The following ATAD3B variants were observed in gnomAD, a reference collection of about 807,000 sequenced individuals.
ATAD3B encodes ATPase family AAA domain-containing protein 3B.
Under a neutral mutation model 70.2 loss-of-function variants are expected in ATAD3B, and 59 were observed. The ratio of observed to expected loss-of-function variants is 0.84; its 90% CI spans 0.68 to 1.04. ATAD3B has a LOEUF of 1.04. Among genes scored for constraint, ATAD3B ranks in the 50% least tolerant of loss-of-function variants. ATAD3B has a pLI of 0.00. For missense variants in ATAD3B, 961 were observed against 913.4 expected (o/e 1.05, Z -0.67); for synonymous variants, 423 against 388.6 (o/e 1.09, Z -1.04).
intron 7 of ATAD3B, chr1:1,483,598 C>T (rs1424598586): frequency 1.2e-5 from 2 of 160,264 alleles, no homozygotes; most frequent in Non-Finnish European, 2.7e-5. Context: ...ATGGTGAAAA[C>T]CCATCTCTAC....
In ATAD3B at chr1:1,495,623, CT is replaced by C. The variant is rs778175812; in HGVS notation, c.1754del (p.Leu585HisfsTer135). 4 of 1,612,926 alleles carry C rather than the reference CT, an allele frequency of 2.5e-6. No homozygotes were observed. Among genetic ancestry groups the C allele is most frequent in the Admixed American group, 1.7e-5 (1 of 59,928 alleles). ...GCCTGGGCGCGGGGTCGAGCACCCC[CT>C]ATCCGGAGTCCAAGGCGAGACCCTC... The part of the protein sequence containing the change: ...EGPGRGVEHP[L>X]SGVQGETLTS... On this transcript the variant is annotated frameshift_variant, in exon 16 of 16. Transcript: ENST00000673477. LOFTEE classifies it low-confidence loss of function (END_TRUNC).
At chr1:1,479,691 A>T (rs562033273) in intron 4 of ATAD3B, among the ~76,000 whole-genome samples, 1 of 143,632 alleles carries the variant, frequency 7.0e-6, no homozygotes, top group South Asian at 2.3e-4. Context: ...CCTCAGGCAC[A>T]CACTCCCGCA....
chr1:1,495,210 A>G (rs138029725), intron 15 of ATAD3B, among the ~76,000 whole-genome samples: 3,619 of 152,080 alleles, frequency 0.024, 175 homozygotes, highest in African/African-American at 0.082. Context: ...GCCCTGGGTC[A>G]GCCGTCAGTG....
At chr1:1,486,261 G>A (rs1640210696) in intron 10 of ATAD3B, 26 bp downstream of exon 10, 2 of 1,612,240 alleles carry the variant, frequency 1.2e-6, no homozygotes, top group Non-Finnish European at 8.5e-7. Flanking sequence ...TGAACAGGTG[G>A]GCCAGGGGCC....
At chr1:1,488,773 G>T (rs1283231226) in intron 12 of ATAD3B, among the ~76,000 whole-genome samples, 1 of 151,854 alleles carries the variant, frequency 6.6e-6, no homozygotes, top group Non-Finnish European at 1.5e-5. Context: ...AAAAAAGCGA[G>T]AGATTTGATC....
At chr1:1,498,195 C>A (rs564832176), downstream of ATAD3B, among the ~76,000 whole-genome samples, 4 of 151,914 alleles carry the variant, frequency 2.6e-5, no homozygotes, top group African/African-American at 9.7e-5. Flanking sequence ...CCCAGCTACT[C>A]GGGAGGCCGA....
At chr1:1,500,144 C>T (rs186758134), downstream of ATAD3B, among the ~76,000 whole-genome samples, 6,452 of 151,142 alleles carry the variant, frequency 0.043, 210 homozygotes, top group Non-Finnish European at 0.065. Flanking sequence ...GCGATCCACC[C>T]GCCTCAGCCT....
rs1457015026 is a variant in ATAD3B at position 1,497,609 on chromosome 1, G to T, written c.*1792G>T. On this transcript the variant is annotated 3_prime_UTR_variant, in exon 16 of 16. Transcript: ENST00000673477. ...AGACTGGGCTAGGTGGCTCACGCCTGTAATCCCAGCACTTTGGGAGGCCAA... is the reference window on the plus strand; with the variant it reads ...AGACTGGGCTAGGTGGCTCACGCCTTTAATCCCAGCACTTTGGGAGGCCAA... 6.6e-6 allele frequency: 1 copy of T among 151,870 alleles called. No individual in the cohort carries two copies. Among genetic ancestry groups the T allele is most frequent in the Non-Finnish European group, 1.5e-5 (1 of 68,042 alleles). The allele number at this position is 151,870 out of a possible 1,614,324, so 9.4% of individuals were successfully genotyped here.
chr1:1,479,331 C>A (rs1639771497), intron 4 of ATAD3B, among the ~76,000 whole-genome samples: 1 of 147,848 alleles, frequency 6.8e-6, no homozygotes, highest in Admixed American at 6.9e-5. Flanking sequence ...CACCTGCCCA[C>A]ACAGACACAC....
At chr1:1,489,183 G>A in intron 12 of ATAD3B, 21 bp from the exon 13 acceptor site, 1 of 1,613,274 alleles carries the variant, frequency 6.2e-7, no homozygotes, top group Non-Finnish European at 8.5e-7. Context: ...GGTGCCTAAG[G>A]CTGGAACCTT....
intron 6 of ATAD3B, 39 bp downstream of exon 6, chr1:1,482,342 C>T (rs1343393447): frequency 2.6e-6 from 4 of 1,548,432 alleles, no homozygotes; most frequent in Non-Finnish European, 3.5e-6. Context: ...ACAGATGGAG[C>T]CCCGCAGGTG....
In ATAD3B at chr1:1,495,152, G is replaced by T. The variant is rs193115100; in HGVS notation, c.1615-333G>T. On this transcript the variant is annotated intron_variant, in intron 15 of 15. Transcript: ENST00000673477. ...GACCCGGGGGCACTGCCTGGCCACG[G>T]CTGAGACTCGCAGAGGGTCTGCAGT... is the stretch of plus-strand genomic sequence containing the variant. Among the ~76,000 whole-genome samples, 382 of 152,182 alleles carry T rather than the reference G, an allele frequency of 2.5e-3. 5 individuals are homozygous for T. The highest frequency in any genetic ancestry group is 8.7e-3 in the African/African-American group (361 of 41,558).
chr1:1,500,113 G>T (rs1044858760), downstream of ATAD3B, among the ~76,000 whole-genome samples: 13 of 149,618 alleles, frequency 8.7e-5, no homozygotes, highest in Non-Finnish European at 1.6e-4. Context: ...ACCAAGGCTG[G>T]TTGCAAACTC....
intron 13 of ATAD3B, chr1:1,490,046 G>A (rs2242394): frequency 0.092 from 129,472 of 1,401,774 alleles, 8,891 homozygotes; most frequent in African/African-American, 0.25. Flanking sequence ...ACAGAGGCCC[G>A]AGAAGCCGGG....
intron 12 of ATAD3B, among the ~76,000 whole-genome samples, chr1:1,488,758 CAAAA>C (rs367936786): frequency 6.9e-6 from 1 of 145,124 alleles, no homozygotes; most frequent in East Asian, 2.0e-4. Context: ...GACTTCGTCT[CAAAA>C]AAAAAAGCGA....
the ATAD3B span, among the ~76,000 whole-genome samples, chr1:1,506,622 T>C: frequency 6.6e-6 from 1 of 152,128 alleles, no homozygotes; most frequent in African/African-American, 2.4e-5. Context: ...ATTTTATTCT[T>C]TCAGATGCTA....
chr1:1,484,012 C>T (rs35275877), intron 7 of ATAD3B: 15,726 of 152,044 alleles, frequency 0.1, 2,012 homozygotes, highest in East Asian at 0.46. Context: ...GGTGGGGGGA[C>T]GGAGGACACA....
At chr1:1,475,373 T>C (rs2100521119) in intron 1 of ATAD3B, among the ~76,000 whole-genome samples, 1 of 151,156 alleles carries the variant, frequency 6.6e-6, no homozygotes, top group African/African-American at 2.4e-5. Flanking sequence ...CCCCCTGCCC[T>C]GCCCCTCTGC....
chr1:1,508,958 T>TGAA, the ATAD3B span, among the ~76,000 whole-genome samples: 2 of 151,728 alleles, frequency 1.3e-5, no homozygotes, highest in Admixed American at 1.3e-4. Flanking sequence ...GCCTTGGGCT[T>TGAA]TCTATTATTA....
Sources: gnomAD v4.1 joint callset for allele counts (sites outside exome capture counted in the v4.1 genomes callset) on GRCh38, gnomAD v4.1.1 for gene constraint, MANE v1.5 for transcripts, NCBI Gene and HGNC (gene_info 2026-07-23, HGNC 2026-07-21) for gene names.